Variants in CFAP61 observed in about 807,000 individuals in gnomAD.
The protein encoded by CFAP61 is cilia- and flagella-associated protein 61.
A neutral mutation model predicts 135.6 loss-of-function variants in CFAP61; 107 were observed. That is an observed-to-expected ratio of 0.79 (90% CI 0.67 to 0.93). The LOEUF (loss-of-function observed/expected upper bound fraction) is 0.93, where lower values mean the gene tolerates loss of function less well. Ranked by LOEUF, CFAP61 falls within the 40% of genes least tolerant of loss-of-function variation. The pLI, the probability that CFAP61 is intolerant of heterozygous loss-of-function variation, is 0.00. For synonymous variants in CFAP61, 575 were observed against 578.5 expected (o/e 0.99, Z 0.09); for missense variants, 1,507 against 1,556.2 (o/e 0.97, Z 0.53).
intron 18 of CFAP61, among the ~76,000 whole-genome samples, chr20:20,236,885 G>C (rs2049633780): frequency 6.6e-6 from 1 of 152,010 alleles, no homozygotes; most frequent in South Asian, 2.1e-4. Flanking sequence ...CTACCATCTT[G>C]GTATTTACAT....
intron 17 of CFAP61, chr20:20,221,952 A>G (rs1274781204): frequency 2.6e-5 from 4 of 152,234 alleles, no homozygotes; most frequent in African/African-American, 9.6e-5. Flanking sequence ...CGTATAATGC[A>G]CATGACTCTC....
intron 25 of CFAP61, among the ~76,000 whole-genome samples, chr20:20,332,182 T>C (rs1196254459): frequency 6.6e-6 from 1 of 152,270 alleles, no homozygotes; most frequent in African/African-American, 2.4e-5. Context: ...CAGACATTGC[T>C]GTAAGGCACT....
chr20:20,231,921 G>C (rs1569166359), intron 18 of CFAP61, among the ~76,000 whole-genome samples: 1 of 152,092 alleles, frequency 6.6e-6, no homozygotes, highest in Non-Finnish European at 1.5e-5. Flanking sequence ...TCTTGTGATT[G>C]GTGGGTTGTG....
intron 22 of CFAP61, among the ~76,000 whole-genome samples, chr20:20,280,580 C>G (rs569531605): frequency 3.9e-5 from 6 of 152,280 alleles, no homozygotes; most frequent in East Asian, 1.9e-4. Context: ...TTTTGAGATT[C>G]CATATAGTTC....
At chr20:20,341,031 C>T (rs1310701305) in intron 25 of CFAP61, among the ~76,000 whole-genome samples, 7 of 152,076 alleles carry the variant, frequency 4.6e-5, no homozygotes. Flanking sequence ...GTGGGGGCAC[C>T]AGGTTTTTCC....
intron 8 of CFAP61, among the ~76,000 whole-genome samples, chr20:20,125,454 C>T (rs369285947): frequency 4.6e-5 from 7 of 151,534 alleles, no homozygotes; most frequent in Admixed American, 2.6e-4. Context: ...TTTAAATTTC[C>T]GTCTTGATTT....
chr20:20,316,651 A>G (rs1253811943), intron 25 of CFAP61: 4 of 151,836 alleles, frequency 2.6e-5, no homozygotes, highest in African/African-American at 9.7e-5. Context: ...GTTTTTTCCC[A>G]TTCAGTATGA....
chr20:20,331,606 C>T (rs191540210), intron 25 of CFAP61, among the ~76,000 whole-genome samples: 2 of 152,212 alleles, frequency 1.3e-5, no homozygotes, highest in Admixed American at 1.3e-4. Context: ...TTTAAAGAGC[C>T]ATTACTTTAA....
chr20:20,259,245 CTTTTTTTTTTTTTTTT>C (rs3060665), intron 20 of CFAP61, among the ~76,000 whole-genome samples: 1 of 75,944 alleles, frequency 1.3e-5, no homozygotes, highest in Non-Finnish European at 2.3e-5. Context: ...GCCCTTCCAT[CTTTTTTTTTTTTTTTT>C]TTTTTTTTTT....
rs766336337 is a variant in CFAP61, at chr20:20,293,673, G to A, written c.3216+3282G>A. On this transcript the variant is annotated intron_variant, in intron 24 of 26. Coordinates refer to ENST00000245957, the MANE Select transcript of CFAP61 (RefSeq NM_015585.4). ...GCTCACTAATTGGAATATTTAAGTCGGAAGATACTGTAGTAATTCATGAGC... is the reference window on the plus strand; with the variant it reads ...GCTCACTAATTGGAATATTTAAGTCAGAAGATACTGTAGTAATTCATGAGC... Among the ~76,000 whole-genome samples, 10 of 152,044 alleles carry A rather than the reference G, an allele frequency of 6.6e-5. 1 individual carries two copies. The highest frequency in any genetic ancestry group is 7.2e-5 in the African/African-American group (3 of 41,384).
intron 6 of CFAP61, among the ~76,000 whole-genome samples, chr20:20,079,723 A>G (rs1168937080): frequency 1.3e-5 from 2 of 152,132 alleles, no homozygotes; most frequent in Non-Finnish European, 2.9e-5. Flanking sequence ...ATGATCTTTC[A>G]TTACTTTCTT....
At chr20:20,054,398 T>G (rs1381941207) in intron 1 of CFAP61, among the ~76,000 whole-genome samples, 1 of 135,312 alleles carries the variant, frequency 7.4e-6, no homozygotes, top group Non-Finnish European at 1.5e-5. Context: ...GAGCTAGGGA[T>G]ATATATATAT....
chr20:20,321,673 CG>C (rs1244416266), intron 25 of CFAP61, among the ~76,000 whole-genome samples: 5 of 152,162 alleles, frequency 3.3e-5, no homozygotes, highest in Admixed American at 2.0e-4. Context: ...CCCATGTTTA[CG>C]TTGCAAGCCC....
chr20:20,130,891 TG>T (rs1456952977), intron 8 of CFAP61, among the ~76,000 whole-genome samples: 2 of 151,902 alleles, frequency 1.3e-5, no homozygotes, highest in Non-Finnish European at 2.9e-5. Context: ...TGTTTCTGGC[TG>T]TGTTTAGGGA....
At chr20:20,214,108 T>G (rs111454727) in intron 17 of CFAP61, among the ~76,000 whole-genome samples, 36 of 152,118 alleles carry the variant, frequency 2.4e-4, no homozygotes, top group African/African-American at 8.7e-4. Flanking sequence ...ATATTTGAAT[T>G]AATTAGTGAC....
intron 8 of CFAP61, among the ~76,000 whole-genome samples, chr20:20,119,425 A>G (rs922919893): frequency 6.6e-6 from 1 of 152,050 alleles, no homozygotes; most frequent in African/African-American, 2.4e-5. Context: ...ATATTCTCGA[A>G]TGATCCTTTG....
chr20:20,111,733 A>G lies in CFAP61; in HGVS notation c.859+12919A>G, dbSNP rs59887305. 2.2e-3 allele frequency among the ~76,000 whole-genome samples: 334 copies of G among 152,308 alleles called. 9 individuals carry two copies. In the East Asian group the frequency reaches 0.05, roughly 23 times the overall value. Reference sequence around the variant, plus strand: ...ATTTCATTTCTGTTTACAAAAGCATAATGTACGAAATTGTTGTAAGTTATA... The same window carrying G: ...ATTTCATTTCTGTTTACAAAAGCATGATGTACGAAATTGTTGTAAGTTATA... On this transcript the variant is annotated intron_variant, in intron 8 of 26. Coordinates refer to ENST00000245957, the MANE Select transcript of CFAP61 (RefSeq NM_015585.4).
In CFAP61 at chr20:20,169,641, T is replaced by C. The variant is rs182961416; in HGVS notation, c.1385+181T>C. Reference sequence around the variant, plus strand: ...AGAAAGAATGGCACTTGAGAAGAGATTTGTCCTGTCAGATATTAAAACATA... The same window carrying C: ...AGAAAGAATGGCACTTGAGAAGAGACTTGTCCTGTCAGATATTAAAACATA... On this transcript the variant is annotated intron_variant, in intron 13 of 26. Transcript: ENST00000245957. 3.2e-3 allele frequency among the ~76,000 whole-genome samples: 485 copies of C among 152,354 alleles called. 2 individuals carry two copies. The highest frequency in any genetic ancestry group is 6.0e-3 in the Non-Finnish European group (410 of 68,044).
At position 20,055,548 on chromosome 20, in the gene CFAP61, G is replaced by T. The variant is rs149700744; in HGVS notation, c.-36-1070G>T. Among the ~76,000 whole-genome samples the T allele has an allele frequency of 8.6e-4, 131 of 152,206 alleles. 1 individual carries two copies. The East Asian group carries it at 0.01, about 12-fold the overall frequency. Reference sequence around the variant, plus strand: ...CTGTGTCAGATCGGCTCACATCATTGCCACCTGGTTGGAGAATTTCCCTCG... The same window carrying T: ...CTGTGTCAGATCGGCTCACATCATTTCCACCTGGTTGGAGAATTTCCCTCG... On this transcript the variant is annotated intron_variant, in intron 1 of 26. Transcript: ENST00000245957.
Sources: allele counts gnomAD v4.1 joint callset (sites outside exome capture counted in the v4.1 genomes callset), GRCh38; gene constraint gnomAD v4.1.1; transcripts MANE v1.5; gene names NCBI Gene and HGNC (gene_info 2026-07-23, HGNC 2026-07-21).